MYRIP: variants seen among roughly 807,000 people sequenced by gnomAD.
MYRIP encodes rab effector MyRIP.
A neutral mutation model predicts 98.0 loss-of-function variants in MYRIP; 49 were observed. The observed-to-expected ratio is 0.50, with a 90% CI of 0.40 to 0.63. The LOEUF is 0.63. Among genes scored for constraint, MYRIP ranks in the 30% least tolerant of loss-of-function variants. MYRIP has a pLI of 0.00. For synonymous variants in MYRIP, 404 were observed against 409.5 expected (o/e 0.99, Z 0.16); for missense variants, 1,004 against 1,058.2 (o/e 0.95, Z 0.71).
chr3:39,958,950 A>G (rs1945247521), intron 2 of MYRIP, among the ~76,000 whole-genome samples: 1 of 152,202 alleles, frequency 6.6e-6, no homozygotes, highest in Non-Finnish European at 1.5e-5. Flanking sequence ...TGGCCATCAG[A>G]GAAATGCAAA....
intron 2 of MYRIP, among the ~76,000 whole-genome samples, chr3:40,018,701 T>A (rs2125804197): frequency 6.6e-6 from 1 of 152,256 alleles, no homozygotes; most frequent in Non-Finnish European, 1.5e-5. Flanking sequence ...TCTCACAGCT[T>A]CTACCTTTCC....
At chr3:40,093,058 G>A (rs1212116981) in intron 3 of MYRIP, among the ~76,000 whole-genome samples, 1 of 152,086 alleles carries the variant, frequency 6.6e-6, no homozygotes, top group African/African-American at 2.4e-5. Context: ...TAACCTCAAG[G>A]AAGCACCAGG....
intron 2 of MYRIP, among the ~76,000 whole-genome samples, chr3:40,001,719 A>G (rs1946522974): frequency 6.6e-6 from 1 of 152,218 alleles, no homozygotes; most frequent in Non-Finnish European, 1.5e-5. Flanking sequence ...CATTCCTGAA[A>G]GATCATTCTG....
chr3:40,087,362 T>C (rs1948651155), intron 3 of MYRIP, among the ~76,000 whole-genome samples: 2 of 152,196 alleles, frequency 1.3e-5, no homozygotes, highest in South Asian at 2.1e-4. Flanking sequence ...CACTGATACA[T>C]GTTACCTATT....
chr3:39,997,400 A>G lies in MYRIP; in HGVS notation c.111-46650A>G, dbSNP rs1946388874. Among the ~76,000 whole-genome samples, 9 of 152,218 alleles carry G rather than the reference A, an allele frequency of 5.9e-5. No homozygotes were observed. The South Asian group carries it at 1.9e-3, about 32-fold the overall frequency. On this transcript the variant is annotated intron_variant, in intron 2 of 16. Coordinates refer to ENST00000302541, the MANE Select transcript of MYRIP (RefSeq NM_015460.4). The stretch of plus-strand genomic sequence containing the variant: ...ACAAACTACCATCAGAGAATACTAT[A>G]AACACCTCTATGCAAATAAACTAGA...
At chr3:39,921,752 A>G (rs932799785) in intron 2 of MYRIP, among the ~76,000 whole-genome samples, 1 of 152,004 alleles carries the variant, frequency 6.6e-6, no homozygotes, top group South Asian at 2.1e-4. Flanking sequence ...GTGGTGGCAC[A>G]TGCCTGTAGT....
intron 1 of MYRIP, among the ~76,000 whole-genome samples, chr3:39,817,872 C>G (rs1940973333): frequency 1.3e-5 from 2 of 151,886 alleles, no homozygotes; most frequent in African/African-American, 4.8e-5. Context: ...TTTTTATTTC[C>G]CATTATTTAC....
chr3:39,895,584 A>G (rs183742039), intron 1 of MYRIP, among the ~76,000 whole-genome samples: 188 of 152,080 alleles, frequency 1.2e-3, no homozygotes, highest in African/African-American at 4.4e-3. Context: ...CTTTTAGTTT[A>G]TTTCTTAACT....
intron 2 of MYRIP, among the ~76,000 whole-genome samples, chr3:39,991,250 C>T (rs968022126): frequency 6.6e-6 from 1 of 152,204 alleles, no homozygotes; most frequent in Non-Finnish European, 1.5e-5. Flanking sequence ...AACACTGCAA[C>T]CTGTTGTCAT....
At chr3:40,033,627 T>TA (rs1947310052) in intron 2 of MYRIP, among the ~76,000 whole-genome samples, 1 of 152,150 alleles carries the variant, frequency 6.6e-6, no homozygotes, top group East Asian at 1.9e-4. Flanking sequence ...ATCAACATCA[T>TA]AAAAATGGCC....
chr3:39,821,845 T>C (rs137873281), intron 1 of MYRIP, among the ~76,000 whole-genome samples: 2 of 152,298 alleles, frequency 1.3e-5, no homozygotes, highest in African/African-American at 4.8e-5. Flanking sequence ...TGTGGCCTGG[T>C]ACATAGTTAT....
At chr3:40,188,976 G>T (rs1951119615) in intron 9 of MYRIP, among the ~76,000 whole-genome samples, 1 of 152,168 alleles carries the variant, frequency 6.6e-6, no homozygotes, top group South Asian at 2.1e-4. Flanking sequence ...CAATCCTTGG[G>T]ACCATGCTCC....
intron 3 of MYRIP, among the ~76,000 whole-genome samples, chr3:40,096,140 G>A (rs865986552): frequency 6.6e-6 from 1 of 151,540 alleles, no homozygotes; most frequent in South Asian, 2.1e-4. Context: ...GGTTTTCTCG[G>A]GCCATTCTAC....
At position 40,113,835 on chromosome 3, in the gene MYRIP, G is replaced by A. The variant is rs144728295; in HGVS notation, c.333-37213G>A. Among the ~76,000 whole-genome samples, 1,022 of 151,982 alleles carry A rather than the reference G, an allele frequency of 6.7e-3. 10 individuals are homozygous for A. Among genetic ancestry groups the A allele is most frequent in the African/African-American group, 0.023 (944 of 41,472 alleles). ...CTCCCGAGTAGCTGGAACTACAGGC[G>A]CCCACCACCACGCCCAGCTAATTTT... On this transcript the variant is annotated intron_variant, in intron 3 of 16. Coordinates refer to ENST00000302541, the MANE Select transcript of MYRIP (RefSeq NM_015460.4).
chr3:40,100,299 T>C (rs1255487549), intron 3 of MYRIP: 3 of 979,006 alleles, frequency 3.1e-6, no homozygotes, highest in African/African-American at 3.5e-5. Context: ...TTTCACAATT[T>C]GCTATTATTG....
chr3:40,006,639 C>T (rs954132085), intron 2 of MYRIP, among the ~76,000 whole-genome samples: 2 of 152,172 alleles, frequency 1.3e-5, no homozygotes, highest in East Asian at 3.8e-4. Context: ...TGTGATTGAG[C>T]ACCTTCTCTT....
rs185283983 is a variant in MYRIP at position 39,955,263 on chromosome 3, G to A, written c.110+54337G>A. On this transcript the variant is annotated intron_variant, in intron 2 of 16. Coordinates refer to ENST00000302541, the MANE Select transcript of MYRIP (RefSeq NM_015460.4). ...ACTTGAAATTAAGGAAAAAATGTTA[G>A]GGGCAGCCAGAGAGAAAGGTCAGGT... Among the ~76,000 whole-genome samples, 34 of 152,054 alleles carry A rather than the reference G, an allele frequency of 2.2e-4. No homozygotes were observed. In the East Asian group the frequency reaches 5.8e-3, roughly 26 times the overall value.
intron 1 of MYRIP, among the ~76,000 whole-genome samples, chr3:39,889,746 A>G (rs2125657423): frequency 1.3e-5 from 2 of 152,280 alleles, no homozygotes; most frequent in South Asian, 4.1e-4. Flanking sequence ...TTATGCGGAC[A>G]TTTAAAATTT....
At chr3:39,826,468 G>C (rs1941269931) in intron 1 of MYRIP, among the ~76,000 whole-genome samples, 2 of 151,884 alleles carry the variant, frequency 1.3e-5, no homozygotes. Context: ...GTATAGTTTT[G>C]AATATTCTTA....
Sources: allele counts gnomAD v4.1 joint callset (sites outside exome capture counted in the v4.1 genomes callset), GRCh38; gene constraint gnomAD v4.1.1; transcripts MANE v1.5; gene names NCBI Gene and HGNC (gene_info 2026-07-23, HGNC 2026-07-21).